GRK3: variants seen among roughly 807,000 people sequenced by gnomAD.
GRK3 encodes adrenergic, beta, receptor kinase 2.
A neutral mutation model predicts 95.7 loss-of-function variants in GRK3; 54 were observed. That is an observed-to-expected ratio of 0.56 (90% confidence interval 0.45 to 0.71). GRK3 has a LOEUF of 0.71. GRK3 is among the 30% of genes least tolerant of loss of function. GRK3 has a pLI of 0.00. For missense variants in GRK3, 649 were observed against 851.2 expected (o/e 0.76, Z 2.96); for synonymous variants, 281 against 290.8 (o/e 0.97, Z 0.34).
intron 2 of GRK3, among the ~76,000 whole-genome samples, chr22:25,619,200 A>C (rs1038606228): frequency 6.6e-6 from 1 of 152,204 alleles, no homozygotes; most frequent in African/African-American, 2.4e-5. Context: ...CCATAACAGC[A>C]CAGGTAAGTC....
intron 3 of GRK3, chr22:25,648,179 T>G (rs368031354): frequency 9.8e-6 from 7 of 714,280 alleles, no homozygotes; most frequent in East Asian, 7.4e-5. Context: ...CTACTAAAGG[T>G]GCTTATTCCC....
At position 25,716,020 on chromosome 22, in the gene GRK3, A is replaced by G. The variant is rs190025070; in HGVS notation, c.1654+1450A>G. Among the ~76,000 whole-genome samples the G allele has an allele frequency of 6.5e-3, 992 of 152,020 alleles. 17 individuals carry two copies. The highest frequency in any genetic ancestry group is 0.023 in the African/African-American group (947 of 41,460). The stretch of plus-strand genomic sequence containing the variant: ...TTTTTTTTTCTAGATGGAGTCTCAC[A>G]CTGTCACCCAGGTTGGAGTGCAGTG... On this transcript the variant is annotated intron_variant, in intron 18 of 20. Coordinates refer to ENST00000324198, the MANE Select transcript of GRK3 (RefSeq NM_005160.4).
At chr22:25,587,850 T>C (rs1264514407) in intron 1 of GRK3, among the ~76,000 whole-genome samples, 1 of 152,232 alleles carries the variant, frequency 6.6e-6, no homozygotes, top group Non-Finnish European at 1.5e-5. Flanking sequence ...ATGTAAGACG[T>C]ACCCTTTGCC....
At chr22:25,695,924 C>T (rs1186317268) in intron 13 of GRK3, among the ~76,000 whole-genome samples, 1 of 151,718 alleles carries the variant, frequency 6.6e-6, no homozygotes, top group Non-Finnish European at 1.5e-5. Flanking sequence ...AGCTCCGCCT[C>T]CCGGGTTCAC....
chr22:25,701,633 G>T (rs756126836), intron 13 of GRK3, among the ~76,000 whole-genome samples: 4 of 152,208 alleles, frequency 2.6e-5, no homozygotes, highest in African/African-American at 9.6e-5. Context: ...AGCACAGAGC[G>T]CTTGTGTCAG....
Position 25,687,622 on chromosome 22 carries a change from T to G in GRK3, c.912T>G (p.Gly304=). 6.2e-7 allele frequency: 1 copy of G among 1,614,146 alleles called. No individual in the cohort carries two copies. Residue 304 remains glycine, a synonymous_variant, in exon 11 of 21, where the codon GGT becomes GGG. Coordinates refer to ENST00000324198, the MANE Select transcript of GRK3 (RefSeq NM_005160.4). Reference sequence around the variant, plus strand: ...TTTATGCCACTGAAATCATTCTGGGTCTGGAACACATGCACAATCGGTTTG... The same window carrying G: ...TTTATGCCACTGAAATCATTCTGGGGCTGGAACACATGCACAATCGGTTTG... The part of the protein sequence containing the change: ...MRFYATEIIL[G]LEHMHNRFVV...
chr22:25,618,159 G>T (rs1462653500), intron 2 of GRK3, among the ~76,000 whole-genome samples: 1 of 152,228 alleles, frequency 6.6e-6, no homozygotes, highest in Admixed American at 6.5e-5. Flanking sequence ...ATTGTTTCCA[G>T]TGTGGGGCAA....
chr22:25,572,603 C>T (rs1931744349), intron 1 of GRK3, among the ~76,000 whole-genome samples: 1 of 152,184 alleles, frequency 6.6e-6, no homozygotes, highest in East Asian at 1.9e-4. Context: ...TTGCTTTCCT[C>T]CCTTTCTTCT....
chr22:25,670,925 G>T (rs1181477204), intron 6 of GRK3, among the ~76,000 whole-genome samples: 2 of 150,372 alleles, frequency 1.3e-5, no homozygotes, highest in Non-Finnish European at 3.0e-5. Context: ...GTGGTGGCGG[G>T]CCCCTGTAGT....
chr22:25,621,403 G>A lies in GRK3; in HGVS notation c.190+16950G>A, dbSNP rs540217226. On this transcript the variant is annotated intron_variant, in intron 2 of 20. Transcript: ENST00000324198. The stretch of plus-strand genomic sequence containing the variant: ...CTAGTATATTGATTCACATGTTTAC[G>A]TTACCCATCCCTATTTTTTCTTTTT... 4.6e-5 allele frequency among the ~76,000 whole-genome samples: 7 copies of A among 152,154 alleles called. No homozygotes were observed. The South Asian group carries it at 6.2e-4, about 14-fold the overall frequency.
At chr22:25,623,554 G>T (rs1478757239) in intron 2 of GRK3, among the ~76,000 whole-genome samples, 1 of 152,150 alleles carries the variant, frequency 6.6e-6, no homozygotes, top group Non-Finnish European at 1.5e-5. Context: ...TGTTGCCCTT[G>T]CCTCTACCAG....
chr22:25,571,938 A>G (rs1278343334), intron 1 of GRK3, among the ~76,000 whole-genome samples: 1 of 152,050 alleles, frequency 6.6e-6, no homozygotes, highest in Non-Finnish European at 1.5e-5. Context: ...TACATGTGCC[A>G]TGTTGGTGTG....
intron 15 of GRK3, among the ~76,000 whole-genome samples, chr22:25,708,439 T>C (rs2085317343): frequency 6.6e-6 from 1 of 151,598 alleles, no homozygotes; most frequent in Non-Finnish European, 1.5e-5. Flanking sequence ...GGAGTAGGAG[T>C]GTCCTGGAAC....
At chr22:25,692,496 G>A (rs1463760447) in intron 12 of GRK3, among the ~76,000 whole-genome samples, 3 of 152,224 alleles carry the variant, frequency 2.0e-5, no homozygotes, top group Non-Finnish European at 2.9e-5. Flanking sequence ...AGCTGCTGGC[G>A]ATGCCACGGT....
At chr22:25,692,161 T>G (rs1275374600) in intron 12 of GRK3, among the ~76,000 whole-genome samples, 1 of 151,940 alleles carries the variant, frequency 6.6e-6, no homozygotes, top group Non-Finnish European at 1.5e-5. Context: ...AAAGACGGGG[T>G]CTCCCAATGT....
At chr22:25,696,274 C>G (rs2085208392) in intron 13 of GRK3, among the ~76,000 whole-genome samples, 1 of 152,180 alleles carries the variant, frequency 6.6e-6, no homozygotes, top group Admixed American at 6.5e-5. Flanking sequence ...GCCACCACAC[C>G]TAGCCGGTAA....
chr22:25,637,991 C>T lies in GRK3; in HGVS notation c.191-6601C>T, dbSNP rs776538732. Among the ~76,000 whole-genome samples, 5 of 152,300 alleles carry T rather than the reference C, an allele frequency of 3.3e-5. No homozygotes were observed. The South Asian group carries it at 1.0e-3, about 32-fold the overall frequency. ...CGTTATGGGGAGCAATCTGCTTACT[C>T]GCAGTTTACTGATCTAAATTTTAAT... On this transcript the variant is annotated intron_variant, in intron 2 of 20. Coordinates refer to ENST00000324198, the MANE Select transcript of GRK3 (RefSeq NM_005160.4).
rs1312975470 is a variant in GRK3 at position 25,722,986 on chromosome 22, C to G, written c.*536C>G. On this transcript the variant is annotated 3_prime_UTR_variant, in exon 21 of 21. Coordinates refer to ENST00000324198, the MANE Select transcript of GRK3 (RefSeq NM_005160.4). The stretch of plus-strand genomic sequence containing the variant: ...ATTAAAAGTTGAAGATATTTCTGCA[C>G]TTGGGCCCTCCTCTGGGAGCCGCAC... 6.6e-6 allele frequency: 1 copy of G among 152,548 alleles called. No homozygotes were observed. Among genetic ancestry groups the G allele is most frequent in the Non-Finnish European group, 1.5e-5 (1 of 68,304 alleles). The allele number at this position is 152,548 out of a possible 1,614,324, so 9.4% of individuals were successfully genotyped here. A position where few individuals can be genotyped will look rare whatever the true frequency, so the allele number is the denominator to read the frequency against.
rs751985040 is a variant in GRK3, at chr22:25,685,248, G to A, written c.826G>A (p.Gly276Arg). Residue 276 changes from glycine to arginine, a missense_variant and splice_region_variant, in exon 10 of 21, where the codon GGG becomes AGG. Transcript: ENST00000324198. ...KLCFILDLMNGGDLHYHLSQH... is the reference protein window; with the variant it reads ...KLCFILDLMNRGDLHYHLSQH... ...CTGCTTCATCCTGGATCTGATGAAC[G>A]GTAAGCAAAACTTGGAAAATCTGAA... 3 of 1,609,810 alleles carry A rather than the reference G, an allele frequency of 1.9e-6. No homozygotes were observed. Among genetic ancestry groups the A allele is most frequent in the Non-Finnish European group, 2.6e-6 (3 of 1,176,214 alleles).
Sources: allele counts gnomAD v4.1 joint callset (sites outside exome capture counted in the v4.1 genomes callset), GRCh38; gene constraint gnomAD v4.1.1; transcripts MANE v1.5; gene names NCBI Gene and HGNC (gene_info 2026-07-23, HGNC 2026-07-21).